The following GRID2 variants were observed in gnomAD, a reference collection of about 807,000 sequenced individuals.
GRID2 encodes glutamate ionotropic receptor delta type subunit 2.
In GRID2, 33 loss-of-function variants were observed where a neutral mutation model predicts 114.8. The ratio of observed to expected loss-of-function variants is 0.29; its 90% CI spans 0.22 to 0.38. The LOEUF is 0.38. GRID2 is among the 10% of genes least tolerant of loss of function. The pLI, the probability that GRID2 is intolerant of heterozygous loss-of-function variation, is 1.00. For synonymous variants in GRID2, 505 were observed against 449.9 expected, an observed-to-expected ratio of 1.12 and a Z score of -1.55; for missense variants, 1,184 against 1,257.7, an observed-to-expected ratio of 0.94 and a Z score of 0.89.
chr4:92,577,438 T>C (rs1727951718), intron 1 of GRID2, among the ~76,000 whole-genome samples: 1 of 152,184 alleles, frequency 6.6e-6, no homozygotes, highest in Non-Finnish European at 1.5e-5. Context: ...AGAAAGATGT[T>C]GAACCAGGTT....
chr4:93,720,396 A>G (rs1296735230), intron 14 of GRID2, among the ~76,000 whole-genome samples: 1 of 152,246 alleles, frequency 6.6e-6, no homozygotes, highest in Non-Finnish European at 1.5e-5. Flanking sequence ...TAAAGCATGT[A>G]GAGTTTGCTC....
At chr4:93,386,367 A>T (rs1764312843) in intron 8 of GRID2, among the ~76,000 whole-genome samples, 1 of 152,168 alleles carries the variant, frequency 6.6e-6, no homozygotes. Context: ...AAAAAAGATT[A>T]AATAATATCT....
At chr4:93,238,546 T>C in intron 8 of GRID2, 56 bp downstream of exon 8, 5 of 1,507,672 alleles carry the variant, frequency 3.3e-6, no homozygotes, top group Non-Finnish European at 4.6e-6. Flanking sequence ...TTTTGCTTGA[T>C]TGTTTTCCAT....
At chr4:93,495,385 G>A (rs916503750) in intron 12 of GRID2, among the ~76,000 whole-genome samples, 1 of 151,784 alleles carries the variant, frequency 6.6e-6, no homozygotes, top group Non-Finnish European at 1.5e-5. Flanking sequence ...TTTTCTAAGT[G>A]TTCACAGGTG....
chr4:92,725,379 TTCACAAAGGGGCTATGGAGAA>T (rs1736020500), intron 2 of GRID2, among the ~76,000 whole-genome samples: 1 of 152,148 alleles, frequency 6.6e-6, no homozygotes, highest in Non-Finnish European at 1.5e-5. Context: ...TATTTCAGTT[TTCACAAAGGGGCTATGGAGAA>T]TAGTTGCACA....
chr4:93,255,903 A>G (rs1459999123), intron 8 of GRID2, among the ~76,000 whole-genome samples: 1 of 152,122 alleles, frequency 6.6e-6, no homozygotes, highest in African/African-American at 2.4e-5. Flanking sequence ...GTAAGTACAG[A>G]CAATCTCTAT....
chr4:92,697,314 T>C (rs1734464462), intron 2 of GRID2, among the ~76,000 whole-genome samples: 1 of 152,112 alleles, frequency 6.6e-6, no homozygotes, highest in Non-Finnish European at 1.5e-5. Context: ...TTCCTGATGA[T>C]ACCTTCATAC....
intron 2 of GRID2, among the ~76,000 whole-genome samples, chr4:93,065,469 T>C (rs1339463760): frequency 1.3e-5 from 2 of 151,866 alleles, no homozygotes; most frequent in African/African-American, 4.8e-5. Context: ...AAGTGACTGT[T>C]TTTACTTTAT....
At chr4:92,887,879 T>G (rs1471163429) in intron 2 of GRID2, among the ~76,000 whole-genome samples, 1 of 152,250 alleles carries the variant, frequency 6.6e-6, no homozygotes, top group African/African-American at 2.4e-5. Context: ...TCTTTATTTC[T>G]TTCTGTCCTC....
chr4:92,438,959 C>T (rs187923317), intron 1 of GRID2, among the ~76,000 whole-genome samples: 81 of 152,204 alleles, frequency 5.3e-4, no homozygotes, highest in East Asian at 1.2e-3. Flanking sequence ...GCATTTCATG[C>T]GCGTCCCTGT....
intron 2 of GRID2, among the ~76,000 whole-genome samples, chr4:92,617,157 C>A (rs1730042517): frequency 6.6e-6 from 1 of 151,106 alleles, no homozygotes; most frequent in Non-Finnish European, 1.5e-5. Context: ...GAATTTGTTC[C>A]TATCTAGCTC....
intron 1 of GRID2, among the ~76,000 whole-genome samples, chr4:92,459,062 T>C (rs1030770291): frequency 3.3e-5 from 5 of 152,174 alleles, no homozygotes; most frequent in Admixed American, 2.6e-4. Context: ...AAAAGTTATC[T>C]TTGAAACATT....
intron 14 of GRID2, among the ~76,000 whole-genome samples, chr4:93,714,832 C>T (rs1052502641): frequency 1.3e-5 from 2 of 152,084 alleles, no homozygotes; most frequent in African/African-American, 4.8e-5. Flanking sequence ...GGATATTAGA[C>T]CTTTGTCCAA....
chr4:92,522,126 T>C (rs1724813958), intron 1 of GRID2, among the ~76,000 whole-genome samples: 2 of 151,520 alleles, frequency 1.3e-5, no homozygotes, highest in Non-Finnish European at 2.9e-5. Context: ...GTAGAGATAA[T>C]AGAGAAGGTG....
chr4:92,712,443 G>C (rs1735303345), intron 2 of GRID2, among the ~76,000 whole-genome samples: 1 of 151,996 alleles, frequency 6.6e-6, no homozygotes, highest in Non-Finnish European at 1.5e-5. Flanking sequence ...ACTTTTACCA[G>C]TTGATGCCAT....
At chr4:92,454,161 T>C (rs1721090545) in intron 1 of GRID2, among the ~76,000 whole-genome samples, 1 of 152,178 alleles carries the variant, frequency 6.6e-6, no homozygotes, top group South Asian at 2.1e-4. Flanking sequence ...AATTTGAGTG[T>C]CTAAGTCATA....
intron 2 of GRID2, among the ~76,000 whole-genome samples, chr4:92,923,051 A>T (rs1369010400): frequency 6.6e-6 from 1 of 152,210 alleles, no homozygotes; most frequent in Non-Finnish European, 1.5e-5. Context: ...TTATACCTCA[A>T]TAAAAAAGTT....
chr4:93,527,073 A>G (rs1299805524), intron 13 of GRID2, among the ~76,000 whole-genome samples: 3 of 152,074 alleles, frequency 2.0e-5, no homozygotes, highest in Non-Finnish European at 2.9e-5. Flanking sequence ...TACATCCTCA[A>G]AAGGGCCCTC....
chr4:93,635,792 T>C lies in GRID2; in HGVS notation c.2360+9357T>C, dbSNP rs112782550. 6.4e-3 allele frequency among the ~76,000 whole-genome samples: 969 copies of C among 152,276 alleles called. 14 individuals are homozygous for C. Among genetic ancestry groups the C allele is most frequent in the African/African-American group, 0.022 (897 of 41,560 alleles). ...CATTTATTTTAGAGTTTAGTCTAAA[T>C]AGATGACAGAATAAGTATAGTTAGT... On this transcript the variant is annotated intron_variant, in intron 14 of 15. Transcript: ENST00000282020.
Sources: allele counts gnomAD v4.1 joint callset (sites outside exome capture counted in the v4.1 genomes callset), GRCh38; gene constraint gnomAD v4.1.1; transcripts MANE v1.5; gene names NCBI Gene and HGNC (gene_info 2026-07-23, HGNC 2026-07-21).